The following PIP4K2A variants were observed in gnomAD, a reference collection of about 807,000 sequenced individuals.
PIP4K2A encodes the protein phosphatidylinositol-5-phosphate 4-kinase type 2 alpha.
In PIP4K2A, 14 loss-of-function variants were observed where a neutral mutation model predicts 42.9. That is an observed-to-expected ratio of 0.33 (90% CI 0.22 to 0.51). The LOEUF is 0.51. PIP4K2A is among the 20% of genes least tolerant of loss of function. The pLI, the probability that PIP4K2A is intolerant of heterozygous loss-of-function variation, is 0.97. For missense variants in PIP4K2A, 434 were observed against 519.8 expected (o/e 0.83, Z 1.61); for synonymous variants, 192 against 192.2 (o/e 1.00, Z 0.01).
chr10:22,638,176 G>A (rs1187616613), intron 1 of PIP4K2A, among the ~76,000 whole-genome samples: 1 of 152,156 alleles, frequency 6.6e-6, no homozygotes, highest in African/African-American at 2.4e-5. Context: ...TCCTGGTTGA[G>A]TGTACTTGCT....
chr10:22,536,058 A>G lies in PIP4K2A; in HGVS notation c.*1143T>C. On this transcript the variant is annotated 3_prime_UTR_variant, in exon 10 of 10. Transcript: ENST00000376573. ...CTTCAAAAATCACATGCTGTACATC[A>G]AATTTTTAGATTCAAAAGATATCCC... 1 of 398,572 alleles carries G rather than the reference A, an allele frequency of 2.5e-6. No individual in the cohort carries two copies. The highest frequency in any genetic ancestry group is 4.4e-6 in the Non-Finnish European group (1 of 226,028). 24.7% of individuals were successfully genotyped at this position (398,572 alleles called of 1,614,324 possible). A position where few individuals can be genotyped will look rare whatever the true frequency, so the allele number is the denominator to read the frequency against.
At chr10:22,691,268 TG>T (rs1417961231) in intron 1 of PIP4K2A, among the ~76,000 whole-genome samples, 2 of 152,166 alleles carry the variant, frequency 1.3e-5, no homozygotes, top group Non-Finnish European at 2.9e-5. Flanking sequence ...TCCTACCTCC[TG>T]GGAACCTGCA....
At chr10:22,642,725 A>T (rs1838806530) in intron 1 of PIP4K2A, among the ~76,000 whole-genome samples, 1 of 151,922 alleles carries the variant, frequency 6.6e-6, no homozygotes, top group Non-Finnish European at 1.5e-5. Context: ...AGTTAAGACA[A>T]TGACACATTC....
chr10:22,608,738 A>C (rs1011439545), intron 2 of PIP4K2A, among the ~76,000 whole-genome samples: 1 of 152,192 alleles, frequency 6.6e-6, no homozygotes, highest in Non-Finnish European at 1.5e-5. Context: ...TCAGCTGGGC[A>C]TGGTAACCTG....
chr10:22,549,383 G>C (rs1015053752), intron 7 of PIP4K2A, among the ~76,000 whole-genome samples: 37 of 148,684 alleles, frequency 2.5e-4, no homozygotes, highest in Non-Finnish European at 4.7e-4. Context: ...GACATAAAAA[G>C]ACAATCTTCC....
At chr10:22,652,204 G>A (rs1839010782) in intron 1 of PIP4K2A, among the ~76,000 whole-genome samples, 1 of 151,540 alleles carries the variant, frequency 6.6e-6, no homozygotes, top group Non-Finnish European at 1.5e-5. Context: ...TGCAACCTCT[G>A]CCTCCTAGGT....
intron 1 of PIP4K2A, among the ~76,000 whole-genome samples, chr10:22,638,537 G>C (rs970606742): frequency 6.6e-6 from 1 of 152,130 alleles, no homozygotes; most frequent in African/African-American, 2.4e-5. Context: ...GAGTACAACA[G>C]AACTACTCAT....
chr10:22,663,062 G>A (rs1352271983), intron 1 of PIP4K2A, among the ~76,000 whole-genome samples: 3 of 152,224 alleles, frequency 2.0e-5, no homozygotes, highest in African/African-American at 4.8e-5. Flanking sequence ...GTGACAGTAT[G>A]GTGACCTCTG....
intron 1 of PIP4K2A, among the ~76,000 whole-genome samples, chr10:22,686,807 T>C (rs1412526276): frequency 6.6e-6 from 1 of 152,156 alleles, no homozygotes; most frequent in African/African-American, 2.4e-5. Context: ...AAGTAGAGTA[T>C]GGTACAAAGT....
At chr10:22,608,067 C>CA in intron 2 of PIP4K2A, 44 bp from the exon 3 acceptor site, 1 of 1,302,388 alleles carries the variant, frequency 7.7e-7, no homozygotes, top group Middle Eastern at 1.8e-4. Flanking sequence ...GAGAGTCAAT[C>CA]AGACTTGCAT....
chr10:22,541,900 G>C lies in PIP4K2A; in HGVS notation c.940C>G (p.Pro314Ala), dbSNP rs142947932. 6.2e-6 allele frequency: 10 copies of C among 1,613,836 alleles called. No individual in the cohort carries two copies. The highest frequency in any genetic ancestry group is 7.6e-6 in the Non-Finnish European group (9 of 1,179,866). The part of the protein sequence containing the change: ...SDGTHPVGTP[P>A]DSPGNTLNSS... ...TTCAGTGTATTCCCGGGGCTATCTGGGGGGGTTCCCACCGGGTGGGTGCCA... is the reference window on the plus strand; with the variant it reads ...TTCAGTGTATTCCCGGGGCTATCTGCGGGGGTTCCCACCGGGTGGGTGCCA... Residue 314 changes from proline to alanine, a missense_variant, in exon 8 of 10, where the codon CCA (proline) becomes GCA (alanine). Around this residue, in one of 2 missense-constraint regions of PIP4K2A, gnomAD observed 395 missense variants for 444.5 expected, o/e 0.89. Transcript: ENST00000376573.
At chr10:22,697,615 T>C (rs1352701392) in intron 1 of PIP4K2A, among the ~76,000 whole-genome samples, 1 of 152,038 alleles carries the variant, frequency 6.6e-6, no homozygotes, top group Non-Finnish European at 1.5e-5. Flanking sequence ...GTCCCAGCTA[T>C]TACAGGAGGC....
At chr10:22,593,444 G>A (rs1837557836) in intron 3 of PIP4K2A, among the ~76,000 whole-genome samples, 2 of 152,228 alleles carry the variant, frequency 1.3e-5, no homozygotes, top group South Asian at 4.1e-4. Context: ...TAGATAGACT[G>A]AGAATGATAA....
intron 1 of PIP4K2A, among the ~76,000 whole-genome samples, chr10:22,693,185 T>G (rs918419186): frequency 6.6e-6 from 1 of 152,238 alleles, no homozygotes; most frequent in Non-Finnish European, 1.5e-5. Context: ...GCTAAGAAAT[T>G]CAAACCTAAG....
At chr10:22,591,882 C>G (rs942320111) in intron 3 of PIP4K2A, 101 bp from the exon 4 acceptor site, 1 of 1,052,562 alleles carries the variant, frequency 9.5e-7, no homozygotes, top group African/African-American at 1.6e-5. Context: ...TGCAAGTTTT[C>G]AAAAACATTT....
At chr10:22,629,108 A>G (rs569678254) in intron 1 of PIP4K2A, among the ~76,000 whole-genome samples, 3 of 152,274 alleles carry the variant, frequency 2.0e-5, no homozygotes, top group Non-Finnish European at 4.4e-5. Flanking sequence ...TTTCCACATG[A>G]TTTGTTGACA....
chr10:22,707,534 T>C (rs1588718834), intron 1 of PIP4K2A, among the ~76,000 whole-genome samples: 1 of 152,338 alleles, frequency 6.6e-6, no homozygotes, highest in South Asian at 2.1e-4. Context: ...TTTTCTCCCA[T>C]GTTAACAGCT....
At chr10:22,550,258 G>C (rs1015639274) in intron 7 of PIP4K2A, among the ~76,000 whole-genome samples, 1 of 152,206 alleles carries the variant, frequency 6.6e-6, no homozygotes, top group Non-Finnish European at 1.5e-5. Context: ...AAAGTGCCAA[G>C]ACTGTAATAG....
intron 4 of PIP4K2A, among the ~76,000 whole-genome samples, chr10:22,582,094 C>T (rs1388525068): frequency 6.6e-6 from 1 of 150,866 alleles, no homozygotes; most frequent in East Asian, 1.9e-4. Context: ...AGACCAAGAC[C>T]CTGTCTCAAA....
Sources: gnomAD v4.1 joint callset for allele counts (sites outside exome capture counted in the v4.1 genomes callset) on GRCh38, gnomAD v4.1.1 for gene constraint, gnomAD v4.1.1 regional missense constraint, MANE v1.5 for transcripts, NCBI Gene and HGNC (gene_info 2026-07-23, HGNC 2026-07-21) for gene names.